Variants in WDR26 observed in about 807,000 individuals in gnomAD.
WDR26 encodes WD repeat domain 26, also known as WD repeat-containing protein 26.
WDR26 carries 5 observed loss-of-function variants against 84.1 expected under a neutral mutation model. The ratio of observed to expected loss-of-function variants is 0.06; its 90% CI spans 0.03 to 0.13. WDR26 has a LOEUF of 0.13. Among genes scored for constraint, WDR26 ranks in the 10% least tolerant of loss-of-function variants. The pLI is 1.00. For synonymous variants in WDR26, 415 were observed against 389.6 expected, an observed-to-expected ratio of 1.07 and a Z score of -0.77; for missense variants, 642 against 974.9, an observed-to-expected ratio of 0.66 and a Z score of 4.55.
rs1243241498 is a variant in WDR26, at chr1:224,387,877, A to C, written c.*1958T>G. 1 of 152,620 alleles carries C rather than the reference A, an allele frequency of 6.6e-6. No homozygotes were observed. The highest frequency in any genetic ancestry group is 1.5e-5 in the Non-Finnish European group (1 of 68,030). The allele number at this position is 152,620 out of a possible 1,614,324, so 9.5% of individuals were successfully genotyped here. The stretch of plus-strand genomic sequence containing the variant: ...CAATGAAGATTTTTATTCAAGCTTA[A>C]AGTAAAAAGTAATTTTAGTTAAGAA... On this transcript the variant is annotated 3_prime_UTR_variant, in exon 14 of 14. Coordinates refer to ENST00000414423, the MANE Select transcript of WDR26 (RefSeq NM_001379403.1).
Position 224,411,420 on chromosome 1 carries a change from T to C in WDR26, c.1458+7A>G. The C allele has an allele frequency of 6.2e-7, 1 of 1,606,696 alleles. No individual in the cohort carries two copies. The highest frequency in any genetic ancestry group is 1.1e-5 in the South Asian group (1 of 88,626). On this transcript the variant is annotated splice_region_variant and intron_variant, in intron 7 of 13. Coordinates refer to ENST00000414423, the MANE Select transcript of WDR26 (RefSeq NM_001379403.1). ...TGTAATATAAACACTCATATTGGGG[T>C]ACATACCGGATCAACTTGCCATATG...
chr1:224,404,643 T>G lies in WDR26; in HGVS notation c.1459-73A>C, dbSNP rs1673503869. Reference sequence around the variant, plus strand: ...TTGTTTCCCAATGTAAGAACTTAAATAGCTACAAAGATGTACTTTGATAAT... The same window carrying G: ...TTGTTTCCCAATGTAAGAACTTAAAGAGCTACAAAGATGTACTTTGATAAT... On this transcript the variant is annotated intron_variant, in intron 7 of 13. Coordinates refer to ENST00000414423, the MANE Select transcript of WDR26 (RefSeq NM_001379403.1). The G allele has an allele frequency of 3.3e-6, 5 of 1,523,480 alleles. No homozygotes were observed. In the East Asian group the frequency reaches 1.1e-4, roughly 35 times the overall value. 94.4% of individuals were successfully genotyped at this position (1,523,480 alleles called of 1,614,324 possible). A position where few individuals can be genotyped will look rare whatever the true frequency, so the allele number is the denominator to read the frequency against.
At chr1:224,389,963 G>T in intron 13 of WDR26, 103 bp from the exon 14 acceptor site, 3 of 835,466 alleles carry the variant, frequency 3.6e-6, no homozygotes, top group Non-Finnish European at 5.5e-6. Flanking sequence ...TTAGCATTAT[G>T]ACATTACAAA....
At chr1:224,418,239 T>C (rs1673962821) in intron 6 of WDR26, 21 bp downstream of exon 6, 1 of 1,586,916 alleles carries the variant, frequency 6.3e-7, no homozygotes, top group Non-Finnish European at 8.6e-7. Flanking sequence ...TGTTTCAGAA[T>C]ATAGGAAGTT....
At chr1:224,420,862 T>C (rs1241920511) in intron 4 of WDR26, among the ~76,000 whole-genome samples, 2 of 152,186 alleles carry the variant, frequency 1.3e-5, no homozygotes, top group Non-Finnish European at 2.9e-5. Flanking sequence ...CCTCCCAAAG[T>C]GCTGAGATTA....
chr1:224,410,495 A>G (rs564179974), intron 7 of WDR26, among the ~76,000 whole-genome samples: 2 of 151,956 alleles, frequency 1.3e-5, no homozygotes, highest in Non-Finnish European at 2.9e-5. Context: ...CACTTATCTG[A>G]TTTTAGAGGG....
Position 224,387,468 on chromosome 1 carries a change from CAT to C in WDR26, c.*2365_*2366del, listed in dbSNP as rs1673015018. The C allele has an allele frequency of 6.6e-6, 1 of 152,572 alleles. No individual in the cohort carries two copies. Among genetic ancestry groups the C allele is most frequent in the African/African-American group, 2.4e-5 (1 of 41,394 alleles). 9.5% of individuals were successfully genotyped at this position (152,572 alleles called of 1,614,324 possible). ...CACCTAGCTGCTATAGAAACCTTTG[CAT>C]AGTTGTTACTCCGTTTTAATAGGAG... On this transcript the variant is annotated 3_prime_UTR_variant, in exon 14 of 14. Transcript: ENST00000414423.
intron 6 of WDR26, among the ~76,000 whole-genome samples, chr1:224,415,453 CTTTTTTTTTTTTTTTT>C (rs149995544): frequency 1.2e-5 from 1 of 82,340 alleles, no homozygotes; most frequent in African/African-American, 4.9e-5. Flanking sequence ...GTATTTCTTT[CTTTTTTTTTTTTTTTT>C]TTTTTTTTTG....
In WDR26 at chr1:224,404,484, A is replaced by G; in HGVS notation, c.1545T>C (p.Tyr515=). The change falls in exon 8 of 14, where the codon TAT becomes TAC. Residue 515 remains tyrosine, a synonymous_variant. Coordinates refer to ENST00000414423, the MANE Select transcript of WDR26 (RefSeq NM_001379403.1). ...AGTCATCTGGGCCACAAGCAACAAG[A>G]TAGTTGTCATCTGGACTCCATGCAA... The G allele has an allele frequency of 1.2e-6, 2 of 1,614,144 alleles. No homozygotes were observed. The highest frequency in any genetic ancestry group is 1.7e-6 in the Non-Finnish European group (2 of 1,179,996).
intron 6 of WDR26, among the ~76,000 whole-genome samples, chr1:224,411,940 T>A (rs879161311): frequency 2.0e-5 from 3 of 152,106 alleles, no homozygotes; most frequent in African/African-American, 7.2e-5. Context: ...GTTAAGAGGC[T>A]GCAGTGAGTT....
At chr1:224,420,533 A>G (rs1674029137) in intron 4 of WDR26, among the ~76,000 whole-genome samples, 2 of 152,200 alleles carry the variant, frequency 1.3e-5, no homozygotes, top group African/African-American at 4.8e-5. Flanking sequence ...TACTTAGTCT[A>G]CGACCTGCTA....
intron 3 of WDR26, among the ~76,000 whole-genome samples, chr1:224,426,742 T>G (rs1019997387): frequency 2.0e-5 from 3 of 151,910 alleles, no homozygotes; most frequent in Non-Finnish European, 4.4e-5. Context: ...TTTTAGCTTC[T>G]GAAAAAAATG....
chr1:224,406,475 A>G (rs749194938), intron 7 of WDR26, among the ~76,000 whole-genome samples: 6 of 152,210 alleles, frequency 3.9e-5, no homozygotes, highest in Non-Finnish European at 7.3e-5. Context: ...ATTAGGTTGG[A>G]GATTCCTCCC....
At position 224,389,706 on chromosome 1, in the gene WDR26, G is replaced by T; in HGVS notation, c.*129C>A. 1 of 1,016,800 alleles carries T rather than the reference G, an allele frequency of 9.8e-7. No homozygotes were observed. The allele number at this position is 1,016,800 out of a possible 1,614,324, so 63.0% of individuals were successfully genotyped here. The stretch of plus-strand genomic sequence containing the variant: ...AATGTTTGGCCCCAATCGGGCTTCA[G>T]AAATGGTTCTTTTTTCATGACGAGC... On this transcript the variant is annotated 3_prime_UTR_variant, in exon 14 of 14. Transcript: ENST00000414423.
rs376798244 is a variant in WDR26 at position 224,415,399 on chromosome 1, T to C, written c.1319+2861A>G. Among the ~76,000 whole-genome samples, 235 of 151,362 alleles carry C rather than the reference T, an allele frequency of 1.6e-3. 15 individuals carry two copies. In the South Asian group the frequency reaches 0.048, roughly 31 times the overall value. ...CTGTATCTAGTTGTCATTAGAACCA[T>C]GGAAGTATAACTAAGGATGAGGGAA... is the stretch of plus-strand genomic sequence containing the variant. On this transcript the variant is annotated intron_variant, in intron 6 of 13. Coordinates refer to ENST00000414423, the MANE Select transcript of WDR26 (RefSeq NM_001379403.1).
In WDR26 at chr1:224,434,656, G is replaced by A. The variant is rs1223372241; in HGVS notation, c.-251C>T. The A allele has an allele frequency of 1.3e-5, 10 of 769,946 alleles. No homozygotes were observed. The highest frequency in any genetic ancestry group is 9.6e-5 in the African/African-American group (5 of 52,144). The allele number at this position is 769,946 out of a possible 1,614,324, so 47.7% of individuals were successfully genotyped here. A position where few individuals can be genotyped will look rare whatever the true frequency, so the allele number is the denominator to read the frequency against. On this transcript the variant is annotated 5_prime_UTR_variant, in exon 1 of 14. Coordinates refer to ENST00000414423, the MANE Select transcript of WDR26 (RefSeq NM_001379403.1). ...CCGCGGGGCGGCTGCGGGGGCGCGG[G>A]GCCCGCCGCTGGGCTGAGCCCCGGC...
At chr1:224,398,614 G>T in intron 10 of WDR26, 21 bp from the exon 11 acceptor site, 1 of 1,568,638 alleles carries the variant, frequency 6.4e-7, no homozygotes, top group Non-Finnish European at 8.7e-7. Flanking sequence ...AAAATAATTT[G>T]TCAAAAACAA....
intron 1 of WDR26, among the ~76,000 whole-genome samples, chr1:224,432,383 T>C (rs934196774): frequency 6.6e-6 from 1 of 152,224 alleles, no homozygotes; most frequent in African/African-American, 2.4e-5. Context: ...CAGTAATATG[T>C]TCTGTTAGCA....
At chr1:224,423,912 C>A (rs1674136462) in intron 4 of WDR26, among the ~76,000 whole-genome samples, 1 of 152,170 alleles carries the variant, frequency 6.6e-6, no homozygotes, top group Non-Finnish European at 1.5e-5. Context: ...GGCCCAGGAT[C>A]AAACCTTTGG....
Sources: allele counts gnomAD v4.1 joint callset (sites outside exome capture counted in the v4.1 genomes callset), GRCh38; gene constraint gnomAD v4.1.1; transcripts MANE v1.5; gene names NCBI Gene and HGNC (gene_info 2026-07-23, HGNC 2026-07-21).